SOX5: variants seen among roughly 807,000 people sequenced by gnomAD.
SOX5 encodes the protein SRY-box transcription factor 5.
A neutral mutation model predicts 92.0 loss-of-function variants in SOX5; 9 were observed. The ratio of observed to expected loss-of-function variants is 0.10; its 90% confidence interval spans 0.06 to 0.17. The LOEUF (loss-of-function observed/expected upper bound fraction) is 0.17. Among genes scored for constraint, SOX5 ranks in the 10% least tolerant of loss-of-function variants. The pLI is 1.00. For missense variants in SOX5, 642 were observed against 944.5 expected (o/e 0.68, Z 4.20); for synonymous variants, 344 against 336.3 (o/e 1.02, Z -0.25).
chr12:24,134,528 AACACATGCAC>A lies in SOX5; in HGVS notation c.-2+78805_-2+78814del, dbSNP rs573617412. ...GTGTGTTATAAATGTGTTTATTTAT[AACACATGCAC>A]ACACACACATAAACACACATACACA... On this transcript the variant is annotated intron_variant, in intron 4 of 4. Transcript: ENST00000446891. Among the ~76,000 whole-genome samples the A allele has an allele frequency of 2.2e-4, 34 of 152,268 alleles. 1 individual carries two copies. In the South Asian group the frequency reaches 7.1e-3, roughly 32 times the overall value.
intron 1 of SOX5, among the ~76,000 whole-genome samples, chr12:24,553,702 T>G (rs908173131): frequency 6.6e-6 from 1 of 152,160 alleles, no homozygotes; most frequent in Non-Finnish European, 1.5e-5. Context: ...TGGACAGTGG[T>G]GCCATGAGAA....
chr12:23,585,859 C>T (rs146252341), intron 9 of SOX5, among the ~76,000 whole-genome samples: 2 of 152,162 alleles, frequency 1.3e-5, no homozygotes, highest in East Asian at 3.9e-4. Context: ...CTCTTTGTCG[C>T]CCCCGTGTGT....
At chr12:23,925,578 T>G (rs1939728341) in intron 1 of SOX5, among the ~76,000 whole-genome samples, 1 of 152,090 alleles carries the variant, frequency 6.6e-6, no homozygotes, top group African/African-American at 2.4e-5. Context: ...ACTAGTAATC[T>G]GTATGGAGGA....
At chr12:23,971,467 G>A (rs1293491003) in intron 4 of SOX5, among the ~76,000 whole-genome samples, 1 of 150,578 alleles carries the variant, frequency 6.6e-6, no homozygotes, top group Non-Finnish European at 1.5e-5. Context: ...TTATCCAGGG[G>A]GATTTTAACC....
intron 3 of SOX5, among the ~76,000 whole-genome samples, chr12:23,787,701 A>C (rs146264647): frequency 5.9e-5 from 9 of 152,140 alleles, no homozygotes; most frequent in African/African-American, 2.2e-4. Flanking sequence ...TTCTGGAAAC[A>C]AACCACAGTG....
At chr12:24,418,939 T>C (rs1965466922) in intron 1 of SOX5, among the ~76,000 whole-genome samples, 1 of 152,158 alleles carries the variant, frequency 6.6e-6, no homozygotes, top group African/African-American at 2.4e-5. Flanking sequence ...TAGAACATCA[T>C]TCTCTGAAAA....
At chr12:24,471,969 T>A (rs1944867277) in intron 1 of SOX5, among the ~76,000 whole-genome samples, 1 of 152,174 alleles carries the variant, frequency 6.6e-6, no homozygotes, top group Admixed American at 6.5e-5. Flanking sequence ...CTTTGAGTTG[T>A]TATCATGTCA....
chr12:24,359,404 C>G (rs906775908), intron 2 of SOX5, among the ~76,000 whole-genome samples: 6 of 152,302 alleles, frequency 3.9e-5, no homozygotes, highest in African/African-American at 1.4e-4. Flanking sequence ...ATAATTTTGA[C>G]TAATTTATCT....
chr12:24,105,811 CA>C (rs1245184225), intron 4 of SOX5, among the ~76,000 whole-genome samples: 1 of 152,036 alleles, frequency 6.6e-6, no homozygotes, highest in Non-Finnish European at 1.5e-5. Flanking sequence ...ATAGGGAAAG[CA>C]TTCAGAATAA....
intron 2 of SOX5, among the ~76,000 whole-genome samples, chr12:24,340,856 T>C (rs189892525): frequency 5.9e-5 from 9 of 152,324 alleles, no homozygotes; most frequent in Admixed American, 5.9e-4. Flanking sequence ...GATTTTTTGT[T>C]GTTGTTGTTA....
intron 6 of SOX5, among the ~76,000 whole-genome samples, chr12:23,689,587 ACTT>A (rs1393393357): frequency 6.6e-6 from 1 of 152,122 alleles, no homozygotes; most frequent in African/African-American, 2.4e-5. Context: ...GTCAGATTAA[ACTT>A]AATTAGTGCA....
intron 6 of SOX5, among the ~76,000 whole-genome samples, chr12:23,712,357 G>A (rs566221274): frequency 6.6e-6 from 1 of 152,246 alleles, no homozygotes; most frequent in South Asian, 2.1e-4. Context: ...AGTGATGAAG[G>A]CAATTTGTAC....
At chr12:24,031,335 A>C (rs755765933) in intron 4 of SOX5, among the ~76,000 whole-genome samples, 11 of 151,862 alleles carry the variant, frequency 7.2e-5, no homozygotes, top group Non-Finnish European at 1.6e-4. Context: ...GGATAAAGAA[A>C]ATGTGATACA....
intron 4 of SOX5, among the ~76,000 whole-genome samples, chr12:24,005,906 T>C (rs1258152284): frequency 2.0e-5 from 3 of 152,250 alleles, no homozygotes; most frequent in African/African-American, 7.2e-5. Flanking sequence ...TACTGTATAT[T>C]TATTGCAGAA....
intron 2 of SOX5, among the ~76,000 whole-genome samples, chr12:23,858,837 G>T (rs1447898503): frequency 6.6e-6 from 1 of 152,148 alleles, no homozygotes; most frequent in Non-Finnish European, 1.5e-5. Context: ...AAACTGTGAA[G>T]ATTTCATGGA....
chr12:24,263,389 G>A (rs1014906507), intron 3 of SOX5, among the ~76,000 whole-genome samples: 51 of 151,700 alleles, frequency 3.4e-4, no homozygotes, highest in African/African-American at 1.1e-3. Context: ...TTAGCCGGGC[G>A]TGGTGGCGGG....
chr12:24,357,567 G>C (rs912714861), intron 2 of SOX5: 3 of 152,378 alleles, frequency 2.0e-5, no homozygotes, highest in African/African-American at 7.2e-5. Context: ...CCTCAGCCAG[G>C]CTCGGTGGCT....
chr12:23,927,592 T>C (rs12299921), intron 1 of SOX5, among the ~76,000 whole-genome samples: 2,863 of 152,208 alleles, frequency 0.019, 90 homozygotes, highest in African/African-American at 0.065. Context: ...ATTTTCCTGT[T>C]TACCTCACAG....
intron 4 of SOX5, among the ~76,000 whole-genome samples, chr12:24,038,551 T>C (rs1386836152): frequency 6.6e-6 from 1 of 152,080 alleles, no homozygotes; most frequent in Non-Finnish European, 1.5e-5. Flanking sequence ...ATTGACACAA[T>C]GGGAACTTCA....
Sources: allele counts gnomAD v4.1 joint callset (sites outside exome capture counted in the v4.1 genomes callset), GRCh38; gene constraint gnomAD v4.1.1; transcripts MANE v1.5; gene names NCBI Gene and HGNC (gene_info 2026-07-23, HGNC 2026-07-21).